KIF16B: variants seen among roughly 807,000 people sequenced by gnomAD.
KIF16B encodes kinesin-like protein KIF16B.
A neutral mutation model predicts 156.3 loss-of-function variants in KIF16B; 98 were observed. That is an observed-to-expected ratio of 0.63 (90% CI 0.53 to 0.74). The LOEUF is 0.74. Among genes scored for constraint, KIF16B ranks in the 30% least tolerant of loss-of-function variants. The pLI is 0.00. For synonymous variants in KIF16B, 564 were observed against 583.7 expected (o/e 0.97, Z 0.49); for missense variants, 1,421 against 1,606.5 (o/e 0.88, Z 1.97).
chr20:16,419,422 T>A (rs1283520566), intron 15 of KIF16B, among the ~76,000 whole-genome samples: 1 of 152,144 alleles, frequency 6.6e-6, no homozygotes, highest in Non-Finnish European at 1.5e-5. Flanking sequence ...AATTCTTTTT[T>A]AATTTGTCAG....
At chr20:16,368,473 G>T in intron 22 of KIF16B, 1 of 986,302 alleles carries the variant, frequency 1.0e-6, no homozygotes, top group Non-Finnish European at 1.2e-6. Flanking sequence ...TGTTACCTGG[G>T]AGGGGAGCCC....
chr20:16,356,413 G>C lies in KIF16B; in HGVS notation c.3538C>G (p.Leu1180Val), dbSNP rs200700890. ...SRSLGANPDD[L>V]KDPIKISIPR... is the part of the protein sequence containing the mutation. ...ATACTAATTTTAATTGGGTCCTTCAGGTCATCTGGATTTGCGCCCAAAGAG... is the reference window on the plus strand; with the variant it reads ...ATACTAATTTTAATTGGGTCCTTCACGTCATCTGGATTTGCGCCCAAAGAG... Residue 1180 changes from leucine to valine, a missense_variant, in exon 23 of 26, where the codon CTG (leucine) becomes GTG (valine). Physicochemically the swap from Leu to Val is conservative, Grantham distance 32. Transcript: ENST00000354981. 6 of 1,614,132 alleles carry C rather than the reference G, an allele frequency of 3.7e-6. No individual in the cohort carries two copies. Among genetic ancestry groups the C allele is most frequent in the South Asian group, 1.1e-5 (1 of 91,074 alleles).
chr20:16,510,347 G>A (rs573189035), intron 6 of KIF16B, among the ~76,000 whole-genome samples: 1 of 152,148 alleles, frequency 6.6e-6, no homozygotes, highest in Non-Finnish European at 1.5e-5. Context: ...AAGCTTAAGT[G>A]GAAATTTATT....
At chr20:16,294,749 A>C (rs996366580) in intron 25 of KIF16B, among the ~76,000 whole-genome samples, 9 of 152,216 alleles carry the variant, frequency 5.9e-5, no homozygotes, top group Admixed American at 5.9e-4. Flanking sequence ...AGGTAGGGCA[A>C]CAGCACAGCG....
At chr20:16,303,772 A>C (rs532766783) in intron 25 of KIF16B, among the ~76,000 whole-genome samples, 92 of 152,320 alleles carry the variant, frequency 6.0e-4, no homozygotes, top group African/African-American at 2.0e-3. Context: ...AAAACTTTCC[A>C]ACAACTGCTA....
chr20:16,491,698 C>T (rs749582790), intron 12 of KIF16B, among the ~76,000 whole-genome samples: 29 of 152,156 alleles, frequency 1.9e-4, no homozygotes, highest in Non-Finnish European at 3.4e-4. Context: ...CTGAGTTCTG[C>T]AGATCAAAGC....
intron 1 of KIF16B, among the ~76,000 whole-genome samples, chr20:16,553,824 CCAGGAGCAGA>C (rs11467937): frequency 0.48 from 71,896 of 150,620 alleles, 17,225 homozygotes; most frequent in Admixed American, 0.52. Context: ...CCAGCAGGAG[CCAGGAGCAGA>C]CAGGAGCAGA....
intron 25 of KIF16B, among the ~76,000 whole-genome samples, chr20:16,291,133 G>A (rs566069105): frequency 2.8e-4 from 43 of 152,262 alleles, no homozygotes; most frequent in African/African-American, 1.0e-3. Flanking sequence ...GATAGGCCTC[G>A]ATAAACAATG....
chr20:16,286,673 A>G (rs1371287362), intron 25 of KIF16B, among the ~76,000 whole-genome samples: 1 of 152,196 alleles, frequency 6.6e-6, no homozygotes, highest in Non-Finnish European at 1.5e-5. Context: ...CTAAGAGTGG[A>G]ATCCATTTCT....
At chr20:16,302,221 C>T (rs2063482127) in intron 25 of KIF16B, among the ~76,000 whole-genome samples, 1 of 152,142 alleles carries the variant, frequency 6.6e-6, no homozygotes, top group Non-Finnish European at 1.5e-5. Context: ...TAGGTTTTCT[C>T]CTATGTCATC....
chr20:16,540,593 C>T (rs563232456), intron 1 of KIF16B, among the ~76,000 whole-genome samples: 15 of 152,224 alleles, frequency 9.9e-5, no homozygotes, highest in African/African-American at 3.4e-4. Context: ...ACTGAGTATC[C>T]TCATGCACTG....
chr20:16,438,663 C>T lies in KIF16B; in HGVS notation c.1303-8681G>A, dbSNP rs531019494. ...TAGGAAGTCAGTGAAGCTCTGTCAACTGCCTCAACCACCATCCTGCCTTTC... is the reference window on the plus strand; with the variant it reads ...TAGGAAGTCAGTGAAGCTCTGTCAATTGCCTCAACCACCATCCTGCCTTTC... On this transcript the variant is annotated intron_variant, in intron 12 of 25. Transcript: ENST00000354981. Among the ~76,000 whole-genome samples, 7 of 152,286 alleles carry T rather than the reference C, an allele frequency of 4.6e-5. No homozygotes were observed. The East Asian group carries it at 9.7e-4, about 21-fold the overall frequency.
chr20:16,496,802 G>A (rs1203774262), intron 11 of KIF16B, among the ~76,000 whole-genome samples: 1 of 151,972 alleles, frequency 6.6e-6, no homozygotes, highest in Non-Finnish European at 1.5e-5. Context: ...TTTTACTGAG[G>A]CTATTATCAG....
chr20:16,350,625 C>G (rs1310424085), intron 23 of KIF16B, among the ~76,000 whole-genome samples: 1 of 151,762 alleles, frequency 6.6e-6, no homozygotes, highest in African/African-American at 2.4e-5. Flanking sequence ...CACACTCTCC[C>G]TGCATGACTA....
intron 25 of KIF16B, among the ~76,000 whole-genome samples, chr20:16,296,360 G>A (rs893867024): frequency 7.9e-5 from 12 of 152,126 alleles, no homozygotes; most frequent in Non-Finnish European, 1.8e-4. Flanking sequence ...AGGTGGAGAG[G>A]AGAAACAACC....
intron 12 of KIF16B, among the ~76,000 whole-genome samples, chr20:16,471,378 T>C (rs1438627633): frequency 2.0e-5 from 3 of 152,212 alleles, no homozygotes; most frequent in Non-Finnish European, 2.9e-5. Context: ...TGGTCCCTTC[T>C]AGCAATATAA....
chr20:16,417,980 T>C (rs2066132935), intron 15 of KIF16B, among the ~76,000 whole-genome samples: 1 of 151,736 alleles, frequency 6.6e-6, no homozygotes, highest in South Asian at 2.1e-4. Flanking sequence ...AATTAACAAA[T>C]AATGGTTGAA....
Position 16,370,467 on chromosome 20 carries a change from C to T in KIF16B, c.3498+119G>A, listed in dbSNP as rs2064789758. On this transcript the variant is annotated intron_variant, in intron 22 of 25. Coordinates refer to ENST00000354981, the MANE Select transcript of KIF16B (RefSeq NM_024704.5). ...TATAATAGCTTGCCTTCCCTATTAGCCATTAATCTTGCCGGGACCTCAAAA... is the reference window on the plus strand; with the variant it reads ...TATAATAGCTTGCCTTCCCTATTAGTCATTAATCTTGCCGGGACCTCAAAA... The T allele has an allele frequency of 8.6e-6, 6 of 693,972 alleles. No homozygotes were observed. In the South Asian group the frequency reaches 1.4e-4, roughly 16 times the overall value. 43.0% of individuals were successfully genotyped at this position (693,972 alleles called of 1,614,324 possible).
chr20:16,429,741 T>G, intron 13 of KIF16B, 122 bp downstream of exon 13: 5 of 805,172 alleles, frequency 6.2e-6, no homozygotes, highest in Non-Finnish European at 8.9e-6. Context: ...CAAGGATTTG[T>G]TGTATATTCT....
Sources: allele counts gnomAD v4.1 joint callset (sites outside exome capture counted in the v4.1 genomes callset), GRCh38; gene constraint gnomAD v4.1.1; transcripts MANE v1.5; gene names NCBI Gene and HGNC (gene_info 2026-07-23, HGNC 2026-07-21).